PTPRD: variants seen among roughly 807,000 people sequenced by gnomAD.
The protein encoded by PTPRD is receptor-type tyrosine-protein phosphatase delta.
A neutral mutation model predicts 214.5 loss-of-function variants in PTPRD; 34 were observed. The observed-to-expected ratio is 0.16, with a 90% CI of 0.12 to 0.21. The LOEUF is 0.21. PTPRD is among the 10% of genes least tolerant of loss of function. The pLI is 1.00. For missense variants in PTPRD, 2,545 were observed against 2,398.7 expected, an observed-to-expected ratio of 1.06 and a Z score of -1.27; for synonymous variants, 1,128 against 845.7, an observed-to-expected ratio of 1.33 and a Z score of -5.79.
At chr9:9,032,866 T>C (rs2154377916) in intron 10 of PTPRD, among the ~76,000 whole-genome samples, 1 of 152,246 alleles carries the variant, frequency 6.6e-6, no homozygotes, top group Non-Finnish European at 1.5e-5. Flanking sequence ...AGCTGGTTTG[T>C]ACAAATATCT....
chr9:9,917,319 A>T (rs1042261733), intron 5 of PTPRD, among the ~76,000 whole-genome samples: 4 of 148,958 alleles, frequency 2.7e-5, no homozygotes, highest in Non-Finnish European at 6.0e-5. Context: ...AAAAAAAAAA[A>T]AAAAGAGAGT....
At chr9:9,540,701 C>T (rs1273852395) in intron 8 of PTPRD, among the ~76,000 whole-genome samples, 3 of 151,846 alleles carry the variant, frequency 2.0e-5, no homozygotes, top group Admixed American at 6.6e-5. Context: ...CTGCATTTGT[C>T]GATTTGGTGA....
chr9:8,658,697 C>T (rs2096964974), intron 12 of PTPRD, among the ~76,000 whole-genome samples: 1 of 145,658 alleles, frequency 6.9e-6, no homozygotes, highest in East Asian at 2.0e-4. Context: ...AAGGTGAAGA[C>T]AAGTCAGAAA....
chr9:10,572,446 A>C (rs376319959), intron 2 of PTPRD, among the ~76,000 whole-genome samples: 283 of 152,276 alleles, frequency 1.9e-3, no homozygotes, highest in African/African-American at 6.7e-3. Context: ...CACTTTGAAG[A>C]AAGTGATTTG....
chr9:8,996,065 A>G (rs1388543267), intron 11 of PTPRD, among the ~76,000 whole-genome samples: 1 of 152,090 alleles, frequency 6.6e-6, no homozygotes, highest in Non-Finnish European at 1.5e-5. Context: ...ATAAAGGTAA[A>G]CATACACTTT....
At chr9:8,749,515 T>A (rs1030847502) in intron 11 of PTPRD, among the ~76,000 whole-genome samples, 1 of 152,116 alleles carries the variant, frequency 6.6e-6, no homozygotes, top group African/African-American at 2.4e-5. Context: ...AAACCTATAT[T>A]TTAAGTGACC....
At chr9:9,572,998 C>T (rs558014796) in intron 8 of PTPRD, among the ~76,000 whole-genome samples, 1 of 151,588 alleles carries the variant, frequency 6.6e-6, no homozygotes, top group South Asian at 2.1e-4. Flanking sequence ...ATGAGCATAT[C>T]CTATGTACAC....
chr9:10,307,300 T>C (rs186151899), intron 3 of PTPRD, among the ~76,000 whole-genome samples: 1 of 152,222 alleles, frequency 6.6e-6, no homozygotes, highest in East Asian at 1.9e-4. Context: ...TTTTTAGCTC[T>C]CACATATGAG....
intron 2 of PTPRD, among the ~76,000 whole-genome samples, chr9:10,498,051 A>C (rs1056201775): frequency 2.0e-5 from 3 of 152,094 alleles, no homozygotes; most frequent in East Asian, 1.9e-4. Flanking sequence ...TGCTTGCTTC[A>C]TGCATAATTT....
At chr9:9,879,140 C>T (rs902496380) in intron 5 of PTPRD, among the ~76,000 whole-genome samples, 1 of 152,174 alleles carries the variant, frequency 6.6e-6, no homozygotes, top group Non-Finnish European at 1.5e-5. Flanking sequence ...CTCCATTCTC[C>T]ATAGAGACAG....
intron 2 of PTPRD, among the ~76,000 whole-genome samples, chr9:10,342,111 A>G (rs1323279185): frequency 6.6e-6 from 1 of 152,026 alleles, no homozygotes; most frequent in African/African-American, 2.4e-5. Flanking sequence ...GGCCCAAAGA[A>G]ACTTGAGTAT....
At chr9:8,640,719 C>G (rs918660684) in intron 12 of PTPRD, among the ~76,000 whole-genome samples, 1 of 149,192 alleles carries the variant, frequency 6.7e-6, no homozygotes, top group African/African-American at 2.5e-5. Flanking sequence ...ATATGAAAGA[C>G]ATCGGCCTCA....
At chr9:10,317,219 C>T (rs1457436662) in intron 3 of PTPRD, among the ~76,000 whole-genome samples, 1 of 151,782 alleles carries the variant, frequency 6.6e-6, no homozygotes, top group Non-Finnish European at 1.5e-5. Context: ...TAATTGGGGG[C>T]TAGTGTTTTT....
rs147615821 is a variant in PTPRD at position 10,244,430 on chromosome 9, T to C, written c.-545+96533A>G. The stretch of plus-strand genomic sequence containing the variant: ...TGCTGAATGCATCTTTACAAGTATG[T>C]TGATATGTGTGGCATGAGGTCCAAC... On this transcript the variant is annotated intron_variant, in intron 3 of 45. Coordinates refer to ENST00000381196, the MANE Select transcript of PTPRD (RefSeq NM_002839.4). Among the ~76,000 whole-genome samples, 665 of 152,240 alleles carry C rather than the reference T, an allele frequency of 4.4e-3. 5 individuals carry two copies. Among genetic ancestry groups the C allele is most frequent in the African/African-American group, 0.014 (601 of 41,544 alleles).
At chr9:8,956,920 C>T (rs532371061) in intron 11 of PTPRD, among the ~76,000 whole-genome samples, 2 of 151,844 alleles carry the variant, frequency 1.3e-5, no homozygotes, top group Non-Finnish European at 2.9e-5. Flanking sequence ...TTTTTTGAAA[C>T]TCTGCAGATG....
intron 12 of PTPRD, among the ~76,000 whole-genome samples, chr9:8,661,453 T>G (rs1334690807): frequency 6.6e-6 from 1 of 152,082 alleles, no homozygotes; most frequent in Non-Finnish European, 1.5e-5. Context: ...AAAAATGACT[T>G]TGTATTCCAA....
At chr9:10,187,633 T>C (rs554772270) in intron 3 of PTPRD, among the ~76,000 whole-genome samples, 1 of 152,336 alleles carries the variant, frequency 6.6e-6, no homozygotes, top group South Asian at 2.1e-4. Context: ...TCTCCAATAC[T>C]GAAACTTTTC....
At chr9:8,319,764 G>A (rs1259259642) in intron 45 of PTPRD, 67 bp downstream of exon 45, 1 of 1,587,268 alleles carries the variant, frequency 6.3e-7, no homozygotes, top group East Asian at 2.3e-5. Context: ...AGAGTATGGA[G>A]TCCGGGAGGT....
chr9:9,558,393 C>G lies in PTPRD; in HGVS notation c.-237+16339G>C, dbSNP rs534539542. ...GGCCTATCCTTGACTAAGGCACAGC[C>G]ATATTCCTTACACTCCACCCCTTTG... On this transcript the variant is annotated intron_variant, in intron 8 of 45. Transcript: ENST00000381196. 2.2e-4 allele frequency among the ~76,000 whole-genome samples: 34 copies of G among 152,264 alleles called. No homozygotes were observed. The South Asian group carries it at 7.0e-3, about 32-fold the overall frequency.
Sources: allele counts gnomAD v4.1 joint callset (sites outside exome capture counted in the v4.1 genomes callset), GRCh38; gene constraint gnomAD v4.1.1; transcripts MANE v1.5; gene names NCBI Gene and HGNC (gene_info 2026-07-23, HGNC 2026-07-21).